The following RYK variants were observed in gnomAD, a reference collection of about 807,000 sequenced individuals.
RYK encodes inactive tyrosine-protein kinase RYK.
In RYK, 21 loss-of-function variants were observed where a neutral mutation model predicts 70.2. The observed-to-expected ratio is 0.30, with a 90% CI of 0.21 to 0.43. The LOEUF (loss-of-function observed/expected upper bound fraction) is 0.43. RYK is among the 20% of genes least tolerant of loss of function. The probability of loss-of-function intolerance (pLI) is 1.00; values close to 1 mark genes in which losing one functional copy is unlikely to be tolerated. For missense variants in RYK, 604 were observed against 753.3 expected (o/e 0.80, Z 2.32); for synonymous variants, 267 against 278.0 (o/e 0.96, Z 0.39).
rs71624038 is a variant in RYK, at chr3:134,249,917, G to GTTTTTTTTTTTTT, written c.232+493_232+505dup. ...TATAACCTCCCCTTCTTTCTCTCTC[G>GTTTTTTTTTTTTT]TTTTTTTTTTTTTTTTTTTTTTTTT... On this transcript the variant is annotated intron_variant, in intron 1 of 14. Transcript: ENST00000623711. Among the ~76,000 whole-genome samples, 126 of 93,332 alleles carry GTTTTTTTTTTTTT rather than the reference G, an allele frequency of 1.4e-3. 17 individuals are homozygous for GTTTTTTTTTTTTT. Among genetic ancestry groups the GTTTTTTTTTTTTT allele is most frequent in the African/African-American group, 6.2e-3 (117 of 18,898 alleles). 61.2% of individuals were successfully genotyped at this position (93,332 alleles called of 152,430 possible).
chr3:134,238,372 T>C (rs769056299), intron 1 of RYK, among the ~76,000 whole-genome samples: 6 of 152,328 alleles, frequency 3.9e-5, no homozygotes, highest in South Asian at 4.1e-4. Flanking sequence ...TGTATGTTCA[T>C]ACACAGAAAG....
At chr3:134,173,191 G>A (rs1347575614) in intron 13 of RYK, among the ~76,000 whole-genome samples, 1 of 151,844 alleles carries the variant, frequency 6.6e-6, no homozygotes, top group Admixed American at 6.6e-5. Flanking sequence ...TGAGGCAGGA[G>A]AATCGCATGA....
chr3:134,167,979 T>A (rs1306780478), intron 13 of RYK, among the ~76,000 whole-genome samples: 1 of 152,164 alleles, frequency 6.6e-6, no homozygotes, highest in Non-Finnish European at 1.5e-5. Context: ...CAGATACTTC[T>A]CAAAAGAAGA....
chr3:134,200,453 C>T (rs534132846), intron 6 of RYK, among the ~76,000 whole-genome samples: 1 of 152,314 alleles, frequency 6.6e-6, no homozygotes, highest in South Asian at 2.1e-4. Flanking sequence ...GAACAAACTC[C>T]AGACACACCA....
At chr3:134,207,357 T>C (rs2014246982) in intron 5 of RYK, 115 bp downstream of exon 5, 3 of 541,212 alleles carry the variant, frequency 5.5e-6, no homozygotes, top group Non-Finnish European at 9.6e-6. Flanking sequence ...AATAACAGCA[T>C]GGTGTCATTA....
At chr3:134,200,484 C>G (rs1267198251) in intron 6 of RYK, among the ~76,000 whole-genome samples, 1 of 152,226 alleles carries the variant, frequency 6.6e-6, no homozygotes, top group South Asian at 2.1e-4. Context: ...CTGTAACACT[C>G]ACCGCGAGAG....
intron 9 of RYK, among the ~76,000 whole-genome samples, chr3:134,184,203 TA>T (rs946488778): frequency 6.6e-6 from 1 of 152,228 alleles, no homozygotes; most frequent in African/African-American, 2.4e-5. Flanking sequence ...AAATTAGAAT[TA>T]TGCCATTTTA....
chr3:134,234,734 T>C (rs1359195385), intron 1 of RYK, among the ~76,000 whole-genome samples: 1 of 152,130 alleles, frequency 6.6e-6, no homozygotes, highest in Non-Finnish European at 1.5e-5. Context: ...TTAATAAAAC[T>C]TTTGTTTTTA....
chr3:134,233,427 T>G (rs1410686526), intron 1 of RYK, among the ~76,000 whole-genome samples: 1 of 152,218 alleles, frequency 6.6e-6, no homozygotes, highest in Middle Eastern at 3.2e-3. Flanking sequence ...TACAAAGTTT[T>G]ATAAATATTT....
chr3:134,173,807 TAAAGG>T (rs1442288539), intron 13 of RYK, among the ~76,000 whole-genome samples: 3 of 152,204 alleles, frequency 2.0e-5, no homozygotes, highest in Non-Finnish European at 1.5e-5. Flanking sequence ...TAGAGTTAAT[TAAAGG>T]AATTTTCCCC....
chr3:134,209,191 G>A (rs1037477489), intron 4 of RYK, among the ~76,000 whole-genome samples: 4 of 152,186 alleles, frequency 2.6e-5, no homozygotes, highest in South Asian at 2.1e-4. Context: ...TTAATGAACC[G>A]TAAAAAACAA....
At chr3:134,229,493 C>T (rs1003321814) in intron 1 of RYK, among the ~76,000 whole-genome samples, 2 of 150,556 alleles carry the variant, frequency 1.3e-5, no homozygotes, top group Non-Finnish European at 3.0e-5. Context: ...TGAAAATTAT[C>T]AAAAATTTAA....
chr3:134,164,467 C>T (rs1394840806), intron 13 of RYK, among the ~76,000 whole-genome samples: 2 of 152,180 alleles, frequency 1.3e-5, no homozygotes. Flanking sequence ...CTTTCTGTCA[C>T]TAGATAGTTG....
At chr3:134,240,522 T>C (rs998373738) in intron 1 of RYK, among the ~76,000 whole-genome samples, 3 of 152,238 alleles carry the variant, frequency 2.0e-5, no homozygotes, top group African/African-American at 4.8e-5. Flanking sequence ...TATGATACTG[T>C]AGTGGATATA....
chr3:134,175,016 T>C (rs2013048398), intron 13 of RYK, among the ~76,000 whole-genome samples: 1 of 152,208 alleles, frequency 6.6e-6, no homozygotes, highest in Non-Finnish European at 1.5e-5. Flanking sequence ...AAAACTGGGA[T>C]ACCACAGCCT....
chr3:134,166,650 T>A (rs1344396950), intron 13 of RYK, among the ~76,000 whole-genome samples: 1 of 152,308 alleles, frequency 6.6e-6, no homozygotes, highest in East Asian at 1.9e-4. Context: ...TAGACATTAC[T>A]CCATCAGAAC....
intron 1 of RYK, among the ~76,000 whole-genome samples, chr3:134,236,004 A>G (rs1045129796): frequency 1.3e-5 from 2 of 152,018 alleles, no homozygotes; most frequent in African/African-American, 4.8e-5. Context: ...TGAGTGCCTT[A>G]TTTGGGAAAA....
At chr3:134,234,321 C>A (rs554144094) in intron 1 of RYK, among the ~76,000 whole-genome samples, 1 of 152,076 alleles carries the variant, frequency 6.6e-6, no homozygotes, top group Non-Finnish European at 1.5e-5. Flanking sequence ...AATGTTAACA[C>A]CAGTAATGAT....
At chr3:134,203,095 C>A (rs781432337) in intron 5 of RYK, among the ~76,000 whole-genome samples, 2 of 152,052 alleles carry the variant, frequency 1.3e-5, no homozygotes, top group Non-Finnish European at 2.9e-5. Flanking sequence ...GCCTGTAATC[C>A]CAGCACTTCG....
Sources: allele counts gnomAD v4.1 joint callset (sites outside exome capture counted in the v4.1 genomes callset), GRCh38; gene constraint gnomAD v4.1.1; transcripts MANE v1.5; gene names NCBI Gene and HGNC (gene_info 2026-07-23, HGNC 2026-07-21).